Variants in PDE4D observed in about 807,000 individuals in gnomAD.
The protein encoded by PDE4D is phosphodiesterase 4D.
In PDE4D, 24 loss-of-function variants were observed where a neutral mutation model predicts 87.4. That is an observed-to-expected ratio of 0.27 (90% confidence interval 0.20 to 0.39). The LOEUF (loss-of-function observed/expected upper bound fraction) is 0.39, where lower values mean the gene tolerates loss of function less well. Ranked by LOEUF, PDE4D falls within the 10% of genes least tolerant of loss-of-function variation. The pLI, the probability that PDE4D is intolerant of heterozygous loss-of-function variation, is 1.00. For synonymous variants in PDE4D, 384 were observed against 383.2 expected (o/e 1.00, Z -0.02); for missense variants, 714 against 1,041.0 (o/e 0.69, Z 4.32).
Position 59,949,669 on chromosome 5 carries a change from T to C in PDE4D, c.272+38819A>G, listed in dbSNP as rs575407247. Among the ~76,000 whole-genome samples the C allele has an allele frequency of 2.0e-5, 3 of 152,274 alleles. No individual in the cohort carries two copies. The South Asian group carries it at 6.2e-4, about 32-fold the overall frequency. On this transcript the variant is annotated intron_variant, in intron 3 of 16. Transcript: ENST00000502484. ...TTAATTAATGTCAAGTACAGATATG[T>C]TACTATCAACATTAAGAAAAAACTT...
intron 1 of PDE4D, chr5:60,335,207 A>T (rs529335611): frequency 6.6e-6 from 1 of 152,366 alleles, no homozygotes; most frequent in South Asian, 2.1e-4. Context: ...CTATTGCAAT[A>T]GGGAAGGGAG....
At chr5:59,616,915 TTACA>T (rs1250605929) in intron 1 of PDE4D, among the ~76,000 whole-genome samples, 7 of 12,290 alleles carry the variant, frequency 5.7e-4, no homozygotes, top group Non-Finnish European at 1.4e-3. Flanking sequence ...GACCTAATAA[TTACA>T]TATATATATA....
At chr5:60,155,867 G>A (rs1279934593) in intron 2 of PDE4D, among the ~76,000 whole-genome samples, 1 of 152,186 alleles carries the variant, frequency 6.6e-6, no homozygotes, top group African/African-American at 2.4e-5. Flanking sequence ...TTCATTAAAT[G>A]AATCAAATTA....
At chr5:60,389,204 C>T (rs574945651) in intron 1 of PDE4D, among the ~76,000 whole-genome samples, 1 of 152,234 alleles carries the variant, frequency 6.6e-6, no homozygotes, top group South Asian at 2.1e-4. Context: ...TAAGCTTACA[C>T]CAAATTGCAC....
intron 1 of PDE4D, among the ~76,000 whole-genome samples, chr5:59,875,899 A>G (rs779215822): frequency 6.6e-6 from 1 of 152,152 alleles, no homozygotes; most frequent in African/African-American, 2.4e-5. Context: ...TAGAGGTGGG[A>G]GCTAAATGAT....
At chr5:59,978,556 A>G (rs1310615867) in intron 3 of PDE4D, among the ~76,000 whole-genome samples, 1 of 152,220 alleles carries the variant, frequency 6.6e-6, no homozygotes, top group Non-Finnish European at 1.5e-5. Context: ...GACAGAATCT[A>G]CTTCTGGTAA....
intron 5 of PDE4D, among the ~76,000 whole-genome samples, chr5:59,115,622 G>T (rs1327334895): frequency 6.6e-6 from 1 of 152,168 alleles, no homozygotes; most frequent in African/African-American, 2.4e-5. Context: ...AGTGCTTAGA[G>T]ACCTCCTTTG....
intron 1 of PDE4D, among the ~76,000 whole-genome samples, chr5:60,285,306 C>G (rs752504900): frequency 1.3e-5 from 2 of 149,092 alleles, no homozygotes; most frequent in African/African-American, 2.5e-5. Context: ...TAAAGAATAG[C>G]TGTCTAGAAT....
chr5:59,851,266 G>A (rs994603991), intron 1 of PDE4D, among the ~76,000 whole-genome samples: 7 of 151,998 alleles, frequency 4.6e-5, no homozygotes, highest in Non-Finnish European at 7.4e-5. Flanking sequence ...CACCCTGACT[G>A]ACTTCTTAAC....
rs931432624 is a variant in PDE4D, at chr5:59,275,243, A to C, written c.456-59275T>G. 3 of 1,009,114 alleles carry C rather than the reference A, an allele frequency of 3.0e-6. No homozygotes were observed. In the Admixed American group the frequency reaches 6.9e-5, roughly 23 times the overall value. The allele number at this position is 1,009,114 out of a possible 1,614,324, so 62.5% of individuals were successfully genotyped here. A position where few individuals can be genotyped will look rare whatever the true frequency, so the allele number is the denominator to read the frequency against. Reference sequence around the variant, plus strand: ...AGAGCCGCCAATACTGCCTTCTTTCACAAAGCCTCGACATCACACAACTTA... The same window carrying C: ...AGAGCCGCCAATACTGCCTTCTTTCCCAAAGCCTCGACATCACACAACTTA... On this transcript the variant is annotated intron_variant, in intron 1 of 14. Transcript: ENST00000340635.
At chr5:59,221,351 G>T (rs1190555697) in intron 1 of PDE4D, among the ~76,000 whole-genome samples, 2 of 152,208 alleles carry the variant, frequency 1.3e-5, no homozygotes. Flanking sequence ...TTCGTATGGG[G>T]CTGGGTGTGG....
At chr5:59,964,783 A>G (rs1269349056) in intron 3 of PDE4D, among the ~76,000 whole-genome samples, 1 of 152,088 alleles carries the variant, frequency 6.6e-6, no homozygotes, top group African/African-American at 2.4e-5. Flanking sequence ...TTTTTTTAAA[A>G]AGGCAAATTT....
chr5:59,473,431 C>T (rs1400169580), intron 1 of PDE4D, among the ~76,000 whole-genome samples: 1 of 151,998 alleles, frequency 6.6e-6, no homozygotes, highest in Non-Finnish European at 1.5e-5. Flanking sequence ...TTAATTATGT[C>T]ATTTAGAAGA....
intron 1 of PDE4D, among the ~76,000 whole-genome samples, chr5:60,225,960 A>C (rs548106191): frequency 3.3e-5 from 5 of 152,214 alleles, no homozygotes; most frequent in Admixed American, 1.3e-4. Flanking sequence ...TGACACATTA[A>C]TTTTTGTTTT....
intron 1 of PDE4D, among the ~76,000 whole-genome samples, chr5:59,663,455 G>A (rs1270757704): frequency 6.6e-6 from 1 of 152,118 alleles, no homozygotes; most frequent in Non-Finnish European, 1.5e-5. Context: ...ACAGGCATGA[G>A]CCATCGTGCC....
intron 1 of PDE4D, among the ~76,000 whole-genome samples, chr5:60,231,460 G>A (rs1205724102): frequency 6.6e-6 from 1 of 151,662 alleles, no homozygotes; most frequent in African/African-American, 2.4e-5. Flanking sequence ...ACTGAGCTGT[G>A]CAATGGAAAA....
intron 2 of PDE4D, among the ~76,000 whole-genome samples, chr5:60,101,955 C>T (rs1776261779): frequency 6.6e-6 from 1 of 152,060 alleles, no homozygotes; most frequent in Admixed American, 6.6e-5. Flanking sequence ...TGGGTCTTGG[C>T]AAAGTATGAA....
At chr5:60,476,503 C>A (rs993364037) in intron 1 of PDE4D, among the ~76,000 whole-genome samples, 1 of 152,184 alleles carries the variant, frequency 6.6e-6, no homozygotes, top group Admixed American at 6.5e-5. Context: ...CAGAATCAGA[C>A]CATGTCTCTC....
intron 5 of PDE4D, among the ~76,000 whole-genome samples, chr5:59,066,987 G>GATTGATTTATTTATTT (rs1554060295): frequency 7.1e-6 from 1 of 141,212 alleles, no homozygotes; most frequent in Admixed American, 7.1e-5. Context: ...CCCAGCTCGT[G>GATTGATTTATTTATTT]ATTTATTTAT....
Sources: allele counts gnomAD v4.1 joint callset (sites outside exome capture counted in the v4.1 genomes callset), GRCh38; gene constraint gnomAD v4.1.1; transcripts MANE v1.5; gene names NCBI Gene and HGNC (gene_info 2026-07-23, HGNC 2026-07-21).